Variants in ARID5B observed in about 807,000 individuals in gnomAD.
ARID5B encodes the protein AT-rich interaction domain 5B, also known as AT-rich interactive domain-containing protein 5B.
A neutral mutation model predicts 97.2 loss-of-function variants in ARID5B; 13 were observed. That is an observed-to-expected ratio of 0.13 (90% CI 0.09 to 0.21). ARID5B has a LOEUF of 0.21. Ranked by LOEUF, ARID5B falls within the 10% of genes least tolerant of loss-of-function variation. The probability of loss-of-function intolerance (pLI) is 1.00; values close to 1 mark genes in which losing one functional copy is unlikely to be tolerated. For missense variants in ARID5B, 1,210 were observed against 1,465.3 expected (o/e 0.83, Z 2.84); for synonymous variants, 556 against 570.3 (o/e 0.97, Z 0.36).
In ARID5B at chr10:62,093,651, CTTTTTTTTTTTT is replaced by C. The variant is rs57902062; in HGVS notation, c.*637_*648del. 4.6e-5 allele frequency: 4 copies of C among 87,008 alleles called. No homozygotes were observed. Among genetic ancestry groups the C allele is most frequent in the Non-Finnish European group, 7.8e-5 (4 of 51,012 alleles). 5.4% of individuals were successfully genotyped at this position (87,008 alleles called of 1,614,324 possible). On this transcript the variant is annotated 3_prime_UTR_variant, in exon 10 of 10. Coordinates refer to ENST00000279873, the MANE Select transcript of ARID5B (RefSeq NM_032199.3). ...CCATTTTCTCCCAGTTCCTTCTCGT[CTTTTTTTTTTTT>C]TTTTTTTTTTTTTTTATTAAATGGT...
chr10:61,988,710 C>T (rs1047252651), intron 3 of ARID5B, among the ~76,000 whole-genome samples: 9 of 152,120 alleles, frequency 5.9e-5, no homozygotes, highest in South Asian at 2.1e-4. Context: ...AGTGCCTCTT[C>T]GGACCCAGGA....
chr10:61,926,185 GTCTT>G (rs908276279), intron 2 of ARID5B, among the ~76,000 whole-genome samples: 21 of 152,202 alleles, frequency 1.4e-4, no homozygotes, highest in African/African-American at 4.8e-4. Flanking sequence ...GATTTCTGCC[GTCTT>G]TCTTTGGGAA....
chr10:61,988,593 G>T (rs559406642), intron 3 of ARID5B, among the ~76,000 whole-genome samples: 3 of 152,264 alleles, frequency 2.0e-5, no homozygotes, highest in African/African-American at 7.2e-5. Context: ...GCACTGTGAG[G>T]CTTTTCCTCC....
intron 9 of ARID5B, 36 bp from the exon 10 acceptor site, chr10:62,090,826 G>T: frequency 6.5e-7 from 1 of 1,528,220 alleles, no homozygotes; most frequent in South Asian, 1.3e-5. Flanking sequence ...TGTGTATTTG[G>T]TTTTCTTCTG....
At chr10:61,923,786 G>A (rs1310773547) in intron 2 of ARID5B, among the ~76,000 whole-genome samples, 5 of 152,214 alleles carry the variant, frequency 3.3e-5, no homozygotes, top group East Asian at 3.8e-4. Flanking sequence ...CTGCCTGGGC[G>A]CTGTGTGTTT....
At chr10:62,082,316 C>CT (rs1840223976) in intron 8 of ARID5B, among the ~76,000 whole-genome samples, 1 of 152,172 alleles carries the variant, frequency 6.6e-6, no homozygotes, top group East Asian at 1.9e-4. Context: ...ATCTGTCCAG[C>CT]TTTCAATCCC....
At chr10:61,994,237 C>T (rs914684890) in intron 3 of ARID5B, among the ~76,000 whole-genome samples, 3 of 151,718 alleles carry the variant, frequency 2.0e-5, no homozygotes, top group South Asian at 2.1e-4. Flanking sequence ...AATCCTGGGG[C>T]GAAGGTTTTT....
In ARID5B at chr10:62,092,001, C is replaced by G. The variant is rs1487545728; in HGVS notation, c.2538C>G (p.His846Gln). The change falls in exon 10 of 10, where the codon CAC becomes CAG. Residue 846 changes from histidine (H) to glutamine (Q), a missense_variant. Physicochemically the swap from His to Gln is conservative, Grantham distance 24 (BLOSUM62 0). Around this residue, in one of 8 missense-constraint regions of ARID5B, gnomAD observed 800 missense variants for 839.1 expected, o/e 0.95. Transcript: ENST00000279873. ...HLHSLYRHTEHHLHNEQTSKY... is the reference protein window; with the variant it reads ...HLHSLYRHTEQHLHNEQTSKY... ...ATAGCCTCTACAGACACACCGAGCA[C>G]CATCTTCATAATGAACAGACATCCA... 2.5e-6 allele frequency: 4 copies of G among 1,614,128 alleles called. No individual in the cohort carries two copies. The highest frequency in any genetic ancestry group is 1.1e-5 in the South Asian group (1 of 91,060).
intron 3 of ARID5B, among the ~76,000 whole-genome samples, chr10:61,967,904 T>C (rs1162326452): frequency 1.3e-5 from 2 of 152,138 alleles, no homozygotes; most frequent in African/African-American, 4.8e-5. Flanking sequence ...TGGAAATGCT[T>C]GTCGCATTCT....
At chr10:61,903,319 G>T (rs1843650380) in intron 2 of ARID5B, among the ~76,000 whole-genome samples, 1 of 152,150 alleles carries the variant, frequency 6.6e-6, no homozygotes, top group South Asian at 2.1e-4. Context: ...CCGCGGGGGC[G>T]CTCGCCGCGC....
chr10:62,092,659 TC>T lies in ARID5B; in HGVS notation c.3197del (p.Ser1066Ter), dbSNP rs1423609849. 6.2e-7 allele frequency: 1 copy of T among 1,613,854 alleles called. No homozygotes were observed. On this transcript the variant is annotated frameshift_variant, in exon 10 of 10. Coordinates refer to ENST00000279873, the MANE Select transcript of ARID5B (RefSeq NM_032199.3). LOFTEE classifies it high-confidence loss of function. ...AAHGGHSGGGSEGHKLPLSSP... is the reference protein window; with the variant it reads ...AAHGGHSGGGXEGHKLPLSSP... ...GCACGGTGGGCATTCCGGGGGCGGA[TC>T]AGAAGGCCACAAGCTTCCCCTCTCC...
In ARID5B at chr10:62,059,621, C is replaced by T. The variant is rs1036485470; in HGVS notation, c.1101+326C>T. ...GCCAAGATTGCATAAAAGAAATTTC[C>T]CTTGGCAACATACCTGACATCTGTT... On this transcript the variant is annotated intron_variant, in intron 7 of 9. Transcript: ENST00000279873. Among the ~76,000 whole-genome samples, 2 of 152,102 alleles carry T rather than the reference C, an allele frequency of 1.3e-5. 1 individual carries two copies. The highest frequency in any genetic ancestry group is 1.3e-4 in the Admixed American group (2 of 15,268).
At chr10:61,935,654 G>A (rs1177089194) in intron 2 of ARID5B, among the ~76,000 whole-genome samples, 1 of 152,072 alleles carries the variant, frequency 6.6e-6, no homozygotes, top group African/African-American at 2.4e-5. Context: ...AGTCGTGGTA[G>A]TTATATGAAT....
intron 3 of ARID5B, among the ~76,000 whole-genome samples, chr10:61,995,351 G>C (rs1389118617): frequency 6.6e-6 from 1 of 152,172 alleles, no homozygotes; most frequent in Non-Finnish European, 1.5e-5. Context: ...TTACTTATGT[G>C]TATATGAAAT....
chr10:62,025,811 GA>G (rs750842683), intron 4 of ARID5B, among the ~76,000 whole-genome samples: 7,358 of 59,566 alleles, frequency 0.12, 131 homozygotes, highest in Middle Eastern at 0.18. Context: ...GAGTGGAAGC[GA>G]AAAAAAAAAA....
intron 3 of ARID5B, among the ~76,000 whole-genome samples, chr10:61,947,261 CTTTTTTTTTTTTTT>C (rs199587188): frequency 0.57 from 71,455 of 125,654 alleles, 18,564 homozygotes; most frequent in Middle Eastern, 0.6. Context: ...CACTTACTTT[CTTTTTTTTTTTTTT>C]TTTTTTTTTT....
At chr10:61,967,087 A>C (rs1446674136) in intron 3 of ARID5B, among the ~76,000 whole-genome samples, 1 of 152,024 alleles carries the variant, frequency 6.6e-6, no homozygotes, top group Non-Finnish European at 1.5e-5. Context: ...CATTAATACT[A>C]TCTTTAGGCC....
chr10:61,977,896 G>A (rs947345889), intron 3 of ARID5B, among the ~76,000 whole-genome samples: 4 of 152,202 alleles, frequency 2.6e-5, no homozygotes, highest in Non-Finnish European at 5.9e-5. Context: ...GGCTTTTGTT[G>A]CCATTGCTTT....
At chr10:62,086,878 G>C (rs777477744) in intron 9 of ARID5B, among the ~76,000 whole-genome samples, 76 of 53,694 alleles carry the variant, frequency 1.4e-3, no homozygotes, top group Non-Finnish European at 2.7e-3. Flanking sequence ...ATGCTTTGGA[G>C]GTCCAGGAAA....
Sources: gnomAD v4.1 joint callset for allele counts (sites outside exome capture counted in the v4.1 genomes callset) on GRCh38, gnomAD v4.1.1 for gene constraint, gnomAD v4.1.1 regional missense constraint, MANE v1.5 for transcripts, NCBI Gene and HGNC (gene_info 2026-07-23, HGNC 2026-07-21) for gene names.